The following SLC25A21 variants were observed in gnomAD, a reference collection of about 807,000 sequenced individuals.
SLC25A21 encodes mitochondrial 2-oxodicarboxylate carrier.
A neutral mutation model predicts 43.8 loss-of-function variants in SLC25A21; 47 were observed. That is an observed-to-expected ratio of 1.07 (90% CI 0.85 to 1.37). The LOEUF is 1.37. SLC25A21 is among the 40% of genes most tolerant of loss of function. The pLI is 0.00. For synonymous variants in SLC25A21, 131 were observed against 121.3 expected, an observed-to-expected ratio of 1.08 and a Z score of -0.52; for missense variants, 352 against 350.2, an observed-to-expected ratio of 1.00 and a Z score of -0.04.
intron 1 of SLC25A21, among the ~76,000 whole-genome samples, chr14:37,041,930 G>C (rs1293325804): frequency 2.0e-5 from 3 of 152,102 alleles, no homozygotes; most frequent in Admixed American, 6.6e-5. Context: ...AGATTAACTT[G>C]AGGTAAATGG....
intron 1 of SLC25A21, among the ~76,000 whole-genome samples, chr14:36,963,360 C>T (rs1402279768): frequency 6.6e-6 from 1 of 152,098 alleles, no homozygotes; most frequent in Admixed American, 6.6e-5. Flanking sequence ...TATAGTGATT[C>T]TGAACAGCAT....
intron 1 of SLC25A21, among the ~76,000 whole-genome samples, chr14:37,075,634 A>G (rs926281928): frequency 7.2e-5 from 11 of 152,204 alleles, no homozygotes; most frequent in Admixed American, 6.5e-4. Flanking sequence ...TGCAGAAAAA[A>G]AGACACATTT....
Position 36,889,696 on chromosome 14 carries a change from T to C in SLC25A21, c.71-14692A>G, listed in dbSNP as rs543053276. 2.6e-5 allele frequency among the ~76,000 whole-genome samples: 4 copies of C among 151,948 alleles called. No individual in the cohort carries two copies. The East Asian group carries it at 7.8e-4, about 29-fold the overall frequency. On this transcript the variant is annotated intron_variant, in intron 1 of 9. Coordinates refer to ENST00000331299, the MANE Select transcript of SLC25A21 (RefSeq NM_030631.4). ...TTTGTAGAGACAGGGTCTCCACATG[T>C]TGTCCAGGCTGGTCTCAAACTCCTC...
At chr14:36,886,389 G>A (rs1219081481) in intron 1 of SLC25A21, among the ~76,000 whole-genome samples, 2 of 152,146 alleles carry the variant, frequency 1.3e-5, no homozygotes, top group Non-Finnish European at 1.5e-5. Flanking sequence ...AGCCTCCCTT[G>A]AAAAACTTGC....
intron 3 of SLC25A21, among the ~76,000 whole-genome samples, chr14:36,797,208 A>C (rs1472600511): frequency 6.6e-6 from 1 of 152,248 alleles, no homozygotes; most frequent in East Asian, 1.9e-4. Flanking sequence ...TAGTTTGATT[A>C]GTTATTTTTA....
chr14:36,680,505 T>C lies in SLC25A21; in HGVS notation c.*153A>G. The stretch of plus-strand genomic sequence containing the variant: ...GCCAAAACTATAATCTCAAGTTGCC[T>C]ATAGACATTTTTTAAAGTATTAAAA... On this transcript the variant is annotated 3_prime_UTR_variant, in exon 10 of 10. Coordinates refer to ENST00000331299, the MANE Select transcript of SLC25A21 (RefSeq NM_030631.4). The C allele has an allele frequency of 1.6e-6, 2 of 1,287,616 alleles. No homozygotes were observed. Among genetic ancestry groups the C allele is most frequent in the East Asian group, 2.9e-5 (1 of 34,360 alleles). The allele number at this position is 1,287,616 out of a possible 1,614,324, so 79.8% of individuals were successfully genotyped here.
chr14:36,789,314 T>C (rs1020717208), intron 3 of SLC25A21, among the ~76,000 whole-genome samples: 2 of 151,844 alleles, frequency 1.3e-5, no homozygotes, highest in Non-Finnish European at 2.9e-5. Context: ...AAGTATTTCA[T>C]AGATTTTTGG....
intron 1 of SLC25A21, among the ~76,000 whole-genome samples, chr14:37,100,071 T>C (rs898421749): frequency 1.3e-5 from 2 of 151,980 alleles, no homozygotes; most frequent in African/African-American, 4.8e-5. Flanking sequence ...TTCTTTTGTT[T>C]TTTTTGAGAT....
At chr14:36,805,251 C>T (rs886905981) in intron 3 of SLC25A21, among the ~76,000 whole-genome samples, 9 of 152,168 alleles carry the variant, frequency 5.9e-5, no homozygotes, top group African/African-American at 2.2e-4. Context: ...CAGTTAAATC[C>T]TTGCCAAAGG....
At chr14:37,094,918 T>G (rs184170489) in intron 1 of SLC25A21, among the ~76,000 whole-genome samples, 22 of 152,274 alleles carry the variant, frequency 1.4e-4, no homozygotes, top group Admixed American at 5.2e-4. Flanking sequence ...TTAATAGCAG[T>G]GCATTGTGTT....
At chr14:36,754,577 A>C (rs1366314369) in intron 3 of SLC25A21, among the ~76,000 whole-genome samples, 1 of 151,866 alleles carries the variant, frequency 6.6e-6, no homozygotes, top group East Asian at 1.9e-4. Flanking sequence ...GTTAAGAAGT[A>C]ATTGATATGG....
intron 1 of SLC25A21, among the ~76,000 whole-genome samples, chr14:36,951,590 T>C (rs1230867946): frequency 6.6e-6 from 1 of 151,016 alleles, no homozygotes; most frequent in Admixed American, 6.6e-5. Context: ...GTGCAAGGTA[T>C]GCATTTTTTT....
In SLC25A21 at chr14:37,002,716, CTG is replaced by C. The variant is rs544413749; in HGVS notation, c.71-127714_71-127713del. Among the ~76,000 whole-genome samples, 195 of 151,908 alleles carry C rather than the reference CTG, an allele frequency of 1.3e-3. 2 individuals carry two copies. Among genetic ancestry groups the C allele is most frequent in the Non-Finnish European group, 5.1e-4 (35 of 68,002 alleles). ...AACATTCAGGTAAAATGATTACAAA[CTG>C]TACAAAACAGTGCTAGTGAATTATC... On this transcript the variant is annotated intron_variant, in intron 1 of 9. Transcript: ENST00000331299.
intron 1 of SLC25A21, among the ~76,000 whole-genome samples, chr14:37,018,505 A>C (rs1960912242): frequency 6.6e-6 from 1 of 152,030 alleles, no homozygotes; most frequent in South Asian, 2.1e-4. Context: ...AGTGTTGGGG[A>C]AAGAAATCAG....
chr14:36,932,831 C>T (rs574795361), intron 1 of SLC25A21, among the ~76,000 whole-genome samples: 3 of 151,410 alleles, frequency 2.0e-5, no homozygotes, highest in East Asian at 3.9e-4. Context: ...AACTCACAGA[C>T]CATTGGCAAG....
intron 2 of SLC25A21, among the ~76,000 whole-genome samples, chr14:36,867,746 T>C (rs1890252349): frequency 6.6e-6 from 1 of 152,164 alleles, no homozygotes; most frequent in Admixed American, 6.5e-5. Context: ...TTTGTCTTTG[T>C]ATTCCCCCCA....
At chr14:37,154,767 C>T (rs1386698505) in intron 1 of SLC25A21, among the ~76,000 whole-genome samples, 2 of 151,794 alleles carry the variant, frequency 1.3e-5, no homozygotes, top group Middle Eastern at 3.4e-3. Flanking sequence ...CTCAGCCTCC[C>T]GAGTAGCTAG....
intron 1 of SLC25A21, chr14:37,172,060 G>A (rs1964139847): frequency 7.4e-6 from 4 of 543,742 alleles, no homozygotes; most frequent in Admixed American, 3.4e-5. Context: ...AGCGGCCGGC[G>A]CGGACGCCGA....
At chr14:36,807,175 G>A (rs1888070118) in intron 3 of SLC25A21, 2 of 152,200 alleles carry the variant, frequency 1.3e-5, no homozygotes, top group South Asian at 2.1e-4. Context: ...ATCTGCTCAG[G>A]GGTCTGAGAT....
Sources: gnomAD v4.1 joint callset for allele counts (sites outside exome capture counted in the v4.1 genomes callset) on GRCh38, gnomAD v4.1.1 for gene constraint, MANE v1.5 for transcripts, NCBI Gene and HGNC (gene_info 2026-07-23, HGNC 2026-07-21) for gene names.